RPL31: variants seen among roughly 807,000 people sequenced by gnomAD.
The protein encoded by RPL31 is ribosomal protein L31.
For missense variants in RPL31, 95 were observed against 164.0 expected (o/e 0.58, Z 2.30); for synonymous variants, 51 against 55.0 (o/e 0.93, Z 0.32).
chr2:101,012,178 A>C (rs1372053501), downstream of RPL31, among the ~76,000 whole-genome samples: 1 of 152,354 alleles, frequency 6.6e-6, no homozygotes, highest in East Asian at 1.9e-4. Context: ...AGTTAAAGTT[A>C]CCATTTGACT....
At chr2:101,008,401 T>C, downstream of RPL31, 1 of 758,750 alleles carries the variant, frequency 1.3e-6, no homozygotes, top group Non-Finnish European at 2.0e-6. Flanking sequence ...TAAGAAAAGG[T>C]AGTCTCTGCC....
chr2:101,004,007 C>A, intron 2 of RPL31, 151 bp from the exon 3 acceptor site: 1 of 782,182 alleles, frequency 1.3e-6, no homozygotes, highest in Non-Finnish European at 2.0e-6. Context: ...AGCACACTGG[C>A]CTACTGTATG....
chr2:101,002,556 T>G (rs1358012279), intron 1 of RPL31, 146 bp from the exon 2 acceptor site: 8 of 658,834 alleles, frequency 1.2e-5, no homozygotes, highest in South Asian at 1.8e-5. Flanking sequence ...GGGGCGCGGG[T>G]GCGTGGGCCA....
downstream of RPL31, chr2:101,011,046 A>G (rs1001564777): frequency 6.2e-6 from 10 of 1,604,136 alleles, no homozygotes; most frequent in East Asian, 2.2e-5. Flanking sequence ...AAGGAAAACA[A>G]TATGTGGTTT....
rs747241987 is a variant in RPL31, at chr2:101,006,383, C to G, written c.*2C>G. 3 of 1,608,532 alleles carry G rather than the reference C, an allele frequency of 1.9e-6. No individual in the cohort carries two copies. The South Asian group carries it at 3.3e-5, about 18-fold the overall frequency. On this transcript the variant is annotated 3_prime_UTR_variant, in exon 5 of 5. Coordinates refer to ENST00000264258, the MANE Select transcript of RPL31 (RefSeq NM_000993.5). ...ACAGTCAATGTGGATGAGAACTAATCGCTGATCGTCAGATCAAATAAAGTT... is the reference window on the plus strand; with the variant it reads ...ACAGTCAATGTGGATGAGAACTAATGGCTGATCGTCAGATCAAATAAAGTT...
chr2:101,002,845 A>T (rs1329156138), intron 2 of RPL31, 37 bp downstream of exon 2: 1 of 1,495,990 alleles, frequency 6.7e-7, no homozygotes, highest in East Asian at 2.3e-5. Context: ...TCTCGAACTC[A>T]CGCGTCTGGT....
At chr2:101,004,397 A>C (rs1678642749) in intron 3 of RPL31, 114 bp downstream of exon 3, 1 of 1,084,814 alleles carries the variant, frequency 9.2e-7, no homozygotes, top group Non-Finnish European at 1.3e-6. Context: ...GGAAGTATAA[A>C]AAAAAAAAAT....
At chr2:101,013,342 CT>C (rs1309813255) in intron 4 of RPL31, among the ~76,000 whole-genome samples, 2 of 152,198 alleles carry the variant, frequency 1.3e-5, no homozygotes, top group Non-Finnish European at 2.9e-5. Context: ...TGCATACAGT[CT>C]TTAAAAATCC....
downstream of RPL31, chr2:101,011,159 A>G: frequency 1.1e-6 from 1 of 881,458 alleles, no homozygotes; most frequent in Non-Finnish European, 1.7e-6. Context: ...ACTGGAAAGC[A>G]AGAGATTCCC....
At chr2:101,009,299 G>C (rs897734912), downstream of RPL31, among the ~76,000 whole-genome samples, 27 of 151,846 alleles carry the variant, frequency 1.8e-4, no homozygotes, top group African/African-American at 6.1e-4. Context: ...CCAGCTACTC[G>C]GGAAGCTGAG....
intron 4 of RPL31, among the ~76,000 whole-genome samples, chr2:101,012,579 A>G (rs1271099719): frequency 1.3e-5 from 2 of 151,876 alleles, no homozygotes; most frequent in African/African-American, 4.8e-5. Flanking sequence ...GGGTGATGCA[A>G]TGGTCTAAAA....
At chr2:101,008,777 CT>C (rs1678946948), downstream of RPL31, among the ~76,000 whole-genome samples, 1 of 151,368 alleles carries the variant, frequency 6.6e-6, no homozygotes, top group Non-Finnish European at 1.5e-5. Flanking sequence ...CACCATTGCA[CT>C]CCAGCCTGGG....
At chr2:101,010,651 G>C (rs1452153206), downstream of RPL31, among the ~76,000 whole-genome samples, 1 of 152,062 alleles carries the variant, frequency 6.6e-6, no homozygotes, top group Non-Finnish European at 1.5e-5. Flanking sequence ...TTAGGAGGCT[G>C]AGGTGGGCAG....
At chr2:101,002,892 A>C in intron 2 of RPL31, 84 bp downstream of exon 2, 3 of 980,536 alleles carry the variant, frequency 3.1e-6, no homozygotes, top group Non-Finnish European at 4.9e-6. Flanking sequence ...CTCCACCCCA[A>C]TCTTTTCCTC....
chr2:101,010,881 C>T, downstream of RPL31: 1 of 1,305,924 alleles, frequency 7.7e-7, no homozygotes, highest in South Asian at 1.3e-5. Context: ...GACTCCATCT[C>T]AAAAAAAAAA....
Position 101,012,625 on chromosome 2 carries a change from C to CAA in RPL31, c.347-6361_347-6360dup, listed in dbSNP as rs71378138. Reference sequence around the variant, plus strand: ...TGATCGCTGCACAACTCTGAATATACAAAAAAAAAAAAACCCATTGAATTG... The same window carrying CAA: ...TGATCGCTGCACAACTCTGAATATACAAAAAAAAAAAAAAACCCATTGAATTG... On this transcript the variant is annotated intron_variant, in intron 4 of 4. Coordinates refer to the RPL31 transcript ENST00000409028. Among the ~76,000 whole-genome samples the CAA allele has an allele frequency of 2.0e-4, 27 of 135,138 alleles. 1 individual carries two copies. Among genetic ancestry groups the CAA allele is most frequent in the African/African-American group, 7.2e-4 (26 of 36,354 alleles). The allele number at this position is 135,138 out of a possible 152,430, so 88.7% of individuals were successfully genotyped here. A position where few individuals can be genotyped will look rare whatever the true frequency, so the allele number is the denominator to read the frequency against.
At chr2:101,018,307 T>C (rs1240718892) in intron 4 of RPL31, 2 of 161,858 alleles carry the variant, frequency 1.2e-5, no homozygotes, top group South Asian at 2.0e-4. Context: ...TATAATGTCA[T>C]GTGCTCTTTC....
chr2:101,018,957 C>G lies in RPL31; in HGVS notation c.347-41C>G, dbSNP rs745785258. 9 of 1,604,170 alleles carry G rather than the reference C, an allele frequency of 5.6e-6. No homozygotes were observed. In the African/African-American group the frequency reaches 1.1e-4, roughly 19 times the overall value. On this transcript the variant is annotated intron_variant, in intron 4 of 4. Transcript: ENST00000409028. ...TGGAATGCTCTTCGTCTGTGTGTTA[C>G]CTGACATGGTACCAAATCATCTGTA... is the stretch of plus-strand genomic sequence containing the variant.
At chr2:101,011,608 C>G, downstream of RPL31, 1 of 1,547,188 alleles carries the variant, frequency 6.5e-7, no homozygotes, top group East Asian at 2.2e-5. Flanking sequence ...AGTAATGTAG[C>G]TTTCTAGGCA....
Sources: gnomAD v4.1 joint callset for allele counts (sites outside exome capture counted in the v4.1 genomes callset) on GRCh38, gnomAD v4.1.1 for gene constraint, MANE v1.5 for transcripts, NCBI Gene and HGNC (gene_info 2026-07-23, HGNC 2026-07-21) for gene names.